Variants in LIMCH1 observed in about 807,000 individuals in gnomAD.
LIMCH1 encodes LIM and calponin homology domains 1.
In LIMCH1, 113 loss-of-function variants were observed where a neutral mutation model predicts 176.5. The observed-to-expected ratio is 0.64, with a 90% CI of 0.55 to 0.75. LIMCH1 has a LOEUF of 0.75. LIMCH1 is among the 30% of genes least tolerant of loss of function. LIMCH1 has a pLI of 0.00. For missense variants in LIMCH1, 1,674 were observed against 1,814.9 expected, an observed-to-expected ratio of 0.92 and a Z score of 1.41; for synonymous variants, 619 against 645.9, an observed-to-expected ratio of 0.96 and a Z score of 0.63.
chr4:41,532,045 A>T lies in LIMCH1; in HGVS notation c.237+7567A>T, dbSNP rs527930129. Among the ~76,000 whole-genome samples, 6 of 152,282 alleles carry T rather than the reference A, an allele frequency of 3.9e-5. No homozygotes were observed. The South Asian group carries it at 1.0e-3, about 26-fold the overall frequency. On this transcript the variant is annotated intron_variant, in intron 3 of 26. Coordinates refer to the LIMCH1 transcript ENST00000313860. ...TATGAGAAACCTCGGTTGCGTTCCC[A>T]CACCACACACAGAGGGAATGCTCAA...
In LIMCH1 at chr4:41,663,212, G is replaced by A. The variant is rs567047848; in HGVS notation, c.3291+228G>A. On this transcript the variant is annotated intron_variant, in intron 20 of 31. Transcript: ENST00000503057. ...CTTGTTGCCCAGGCTGGAGTGCAGCGGTGTGATCTCTGCTCACCACAACTT... is the reference window on the plus strand; with the variant it reads ...CTTGTTGCCCAGGCTGGAGTGCAGCAGTGTGATCTCTGCTCACCACAACTT... Among the ~76,000 whole-genome samples, 26 of 150,006 alleles carry A rather than the reference G, an allele frequency of 1.7e-4. No individual in the cohort carries two copies. The South Asian group carries it at 4.2e-3, about 24-fold the overall frequency.
At chr4:41,370,889 G>A (rs960328613) in intron 1 of LIMCH1, among the ~76,000 whole-genome samples, 2 of 152,098 alleles carry the variant, frequency 1.3e-5, no homozygotes, top group South Asian at 2.1e-4. Context: ...GTTTATGGCC[G>A]TTTTACAGAT....
At chr4:41,567,170 C>T (rs543594813) in intron 1 of LIMCH1, among the ~76,000 whole-genome samples, 306 of 152,278 alleles carry the variant, frequency 2.0e-3, no homozygotes, top group Non-Finnish European at 3.6e-3. Context: ...AGGGGGGGAC[C>T]TGCTTGGATT....
intron 29 of LIMCH1, among the ~76,000 whole-genome samples, chr4:41,688,519 C>T: frequency 6.6e-6 from 1 of 152,220 alleles, no homozygotes; most frequent in Non-Finnish European, 1.5e-5. Flanking sequence ...TTGGGGAACT[C>T]TTCCTCTTTT....
intron 1 of LIMCH1, among the ~76,000 whole-genome samples, chr4:41,403,001 C>A (rs541900421): frequency 6.8e-6 from 1 of 147,232 alleles, no homozygotes; most frequent in African/African-American, 2.6e-5. Flanking sequence ...AAAAAAAAGA[C>A]CTATCCAAAT....
chr4:41,405,229 T>A (rs555985423), intron 1 of LIMCH1, among the ~76,000 whole-genome samples: 49 of 152,328 alleles, frequency 3.2e-4, no homozygotes, highest in South Asian at 6.2e-4. Flanking sequence ...GTTTTGATTT[T>A]AAAAAACTAT....
chr4:41,561,774 G>A (rs2082095320), intron 1 of LIMCH1, among the ~76,000 whole-genome samples: 1 of 152,096 alleles, frequency 6.6e-6, no homozygotes, highest in Admixed American at 6.6e-5. Flanking sequence ...GAGACTAGGG[G>A]AACAGCAGAA....
chr4:41,625,483 T>G (rs2092886011), intron 7 of LIMCH1, among the ~76,000 whole-genome samples: 1 of 152,332 alleles, frequency 6.6e-6, no homozygotes, highest in Non-Finnish European at 1.5e-5. Context: ...ATCATTATTT[T>G]TTGCTCGCCG....
At chr4:41,632,493 G>A (rs561795619) in intron 10 of LIMCH1, among the ~76,000 whole-genome samples, 2 of 152,252 alleles carry the variant, frequency 1.3e-5, no homozygotes, top group Admixed American at 1.3e-4. Flanking sequence ...CGTCCTCGAG[G>A]CCTTGAATCC....
intron 2 of LIMCH1, among the ~76,000 whole-genome samples, chr4:41,513,357 C>G (rs529091473): frequency 1.3e-5 from 2 of 152,292 alleles, no homozygotes; most frequent in South Asian, 4.1e-4. Flanking sequence ...TTCCCCAGTC[C>G]TCTGAATAAA....
chr4:41,569,662 T>C (rs2083258215), intron 1 of LIMCH1, among the ~76,000 whole-genome samples: 1 of 152,118 alleles, frequency 6.6e-6, no homozygotes, highest in Admixed American at 6.5e-5. Flanking sequence ...GTAAATATAT[T>C]GTATGTACTC....
intron 2 of LIMCH1, among the ~76,000 whole-genome samples, chr4:41,520,252 T>A (rs34642287): frequency 2.4e-4 from 36 of 151,978 alleles, no homozygotes; most frequent in African/African-American, 4.8e-5. Context: ...TTCTACTCAC[T>A]CTCCTCAGCT....
At chr4:41,467,980 T>G (rs1165920661) in intron 1 of LIMCH1, among the ~76,000 whole-genome samples, 4 of 152,138 alleles carry the variant, frequency 2.6e-5, no homozygotes, top group African/African-American at 9.7e-5. Flanking sequence ...CTTGTCAACA[T>G]TTTGATAATC....
At chr4:41,391,340 A>T (rs929202028) in intron 1 of LIMCH1, among the ~76,000 whole-genome samples, 19 of 152,170 alleles carry the variant, frequency 1.2e-4, no homozygotes, top group African/African-American at 4.3e-4. Context: ...TGCCACCTGG[A>T]TTTTATATAC....
rs777786395 is a variant in LIMCH1, at chr4:41,454,939, CATGT to C, written c.97-39596_97-39593del. Among the ~76,000 whole-genome samples the C allele has an allele frequency of 2.7e-3, 355 of 130,544 alleles. 1 individual carries two copies. Among genetic ancestry groups the C allele is most frequent in the Admixed American group, 3.8e-3 (50 of 13,234 alleles). The allele number at this position is 130,544 out of a possible 152,430, so 85.6% of individuals were successfully genotyped here. On this transcript the variant is annotated intron_variant, in intron 1 of 26. Transcript: ENST00000313860. ...TTTTATAGCTGTGCTTGTATGCGTA[CATGT>C]GTGTGTGTGTGTGTGTGTGTGTGTG...
At chr4:41,414,993 C>T (rs911660918) in intron 1 of LIMCH1, among the ~76,000 whole-genome samples, 1 of 152,122 alleles carries the variant, frequency 6.6e-6, no homozygotes, top group Admixed American at 6.5e-5. Flanking sequence ...CCTCATCCCC[C>T]CTCCTCCATA....
intron 18 of LIMCH1, among the ~76,000 whole-genome samples, chr4:41,658,633 A>T (rs1055487686): frequency 2.6e-5 from 4 of 152,188 alleles, no homozygotes; most frequent in Non-Finnish European, 2.9e-5. Context: ...ACATTTTAAC[A>T]TCTCTAAATC....
Position 41,629,577 on chromosome 4 carries a change from A to G in LIMCH1, c.1114A>G (p.Arg372Gly), listed in dbSNP as rs776577813. Residue 372 changes from arginine to glycine, a missense_variant, in exon 9 of 32, where the codon AGG becomes GGG. Transcript: ENST00000503057. ...AAGTGAACCTGTGGAAGGAGGACTCAGGAAGGTGCCAGATCTTCACAAGGA... is the reference window on the plus strand; with the variant it reads ...AAGTGAACCTGTGGAAGGAGGACTCGGGAAGGTGCCAGATCTTCACAAGGA... The part of the protein sequence containing the change: ...QESEPVEGGL[R>G]KVPDLHKDDL... The G allele has an allele frequency of 1.3e-6, 2 of 1,536,122 alleles. No homozygotes were observed. The highest frequency in any genetic ancestry group is 1.7e-6 in the Non-Finnish European group (2 of 1,146,906).
intron 8 of LIMCH1, among the ~76,000 whole-genome samples, chr4:41,628,150 G>A (rs1407423179): frequency 2.0e-5 from 3 of 152,162 alleles, no homozygotes; most frequent in Non-Finnish European, 4.4e-5. Flanking sequence ...CATTCTTGGA[G>A]GGCCTTGTGG....
Sources: gnomAD v4.1 joint callset for allele counts (sites outside exome capture counted in the v4.1 genomes callset) on GRCh38, gnomAD v4.1.1 for gene constraint, MANE v1.5 for transcripts, NCBI Gene and HGNC (gene_info 2026-07-23, HGNC 2026-07-21) for gene names.